The following BCL2L13 variants were observed in gnomAD, a reference collection of about 807,000 sequenced individuals.
BCL2L13 encodes bcl-2-like protein 13.
BCL2L13 carries 13 observed loss-of-function variants against 25.8 expected under a neutral mutation model. The observed-to-expected ratio is 0.50, with a 90% CI of 0.33 to 0.80. BCL2L13 has a LOEUF of 0.80. Ranked by LOEUF, BCL2L13 falls within the 30% of genes least tolerant of loss-of-function variation. The probability of loss-of-function intolerance (pLI) is 0.02; values close to 1 mark genes in which losing one functional copy is unlikely to be tolerated. For synonymous variants in BCL2L13, 244 were observed against 230.3 expected (o/e 1.06, Z -0.54); for missense variants, 504 against 574.9 (o/e 0.88, Z 1.26).
intron 2 of BCL2L13, among the ~76,000 whole-genome samples, chr22:17,673,003 G>C (rs1328198093): frequency 6.6e-6 from 1 of 152,070 alleles, no homozygotes; most frequent in Non-Finnish European, 1.5e-5. Flanking sequence ...GTATGTCCTG[G>C]GAGTCAATAA....
At chr22:17,704,141 C>T (rs2145720979) in intron 6 of BCL2L13, among the ~76,000 whole-genome samples, 1 of 152,236 alleles carries the variant, frequency 6.6e-6, no homozygotes, top group African/African-American at 2.4e-5. Flanking sequence ...GGCTTGAGTG[C>T]AGTGCGCAAT....
chr22:17,693,372 G>GTTTGTTTTT (rs1284865411), intron 4 of BCL2L13, among the ~76,000 whole-genome samples: 5 of 70,612 alleles, frequency 7.1e-5, no homozygotes, highest in African/African-American at 2.6e-4. Flanking sequence ...TTTAGTGTTT[G>GTTTGTTTTT]TTTTTTTTTT....
rs541204421 is a variant in BCL2L13, at chr22:17,726,053, A to G, written c.601-624A>G. On this transcript the variant is annotated intron_variant, in intron 6 of 6. Coordinates refer to ENST00000317582, the MANE Select transcript of BCL2L13 (RefSeq NM_015367.4). Reference sequence around the variant, plus strand: ...TTGTGATGTCATTTCAGCACTCAAAAAGTTTCGGATTTTGGGCCGGGCACA... The same window carrying G: ...TTGTGATGTCATTTCAGCACTCAAAGAGTTTCGGATTTTGGGCCGGGCACA... Among the ~76,000 whole-genome samples, 9 of 152,266 alleles carry G rather than the reference A, an allele frequency of 5.9e-5. No homozygotes were observed. In the East Asian group the frequency reaches 1.7e-3, roughly 29 times the overall value.
intron 2 of BCL2L13, among the ~76,000 whole-genome samples, chr22:17,680,502 ACT>A (rs1344103051): frequency 2.5e-5 from 3 of 117,788 alleles, no homozygotes; most frequent in African/African-American, 3.4e-5. Flanking sequence ...AGAGAGCGAG[ACT>A]CTGTCTCAAA....
chr22:17,646,232 A>G lies in BCL2L13; in HGVS notation c.-51+7346A>G, dbSNP rs539667499. Reference sequence around the variant, plus strand: ...TATGTTTAATAGTTTGAATCGTACAAATTATAGCAGGTTTTTTGTTTGTTT... The same window carrying G: ...TATGTTTAATAGTTTGAATCGTACAGATTATAGCAGGTTTTTTGTTTGTTT... On this transcript the variant is annotated intron_variant, in intron 1 of 6. Transcript: ENST00000317582. 4.6e-5 allele frequency among the ~76,000 whole-genome samples: 7 copies of G among 151,572 alleles called. No homozygotes were observed. In the South Asian group the frequency reaches 8.3e-4, roughly 18 times the overall value.
At chr22:17,694,236 G>A (rs984240936) in intron 4 of BCL2L13, among the ~76,000 whole-genome samples, 7 of 152,118 alleles carry the variant, frequency 4.6e-5, no homozygotes, top group East Asian at 1.9e-4. Context: ...GCATGAAACC[G>A]TGCTTTAAAT....
chr22:17,727,712 C>A lies in BCL2L13; in HGVS notation c.*178C>A. 1 of 793,038 alleles carries A rather than the reference C, an allele frequency of 1.3e-6. No individual in the cohort carries two copies. The highest frequency in any genetic ancestry group is 2.0e-6 in the Non-Finnish European group (1 of 512,042). 49.1% of individuals were successfully genotyped at this position (793,038 alleles called of 1,614,324 possible). ...GGGCTTGAGGTGGGGCATTCACATTCATCTGACTGTAAATCCCAAGGGCCT... is the reference window on the plus strand; with the variant it reads ...GGGCTTGAGGTGGGGCATTCACATTAATCTGACTGTAAATCCCAAGGGCCT... On this transcript the variant is annotated 3_prime_UTR_variant, in exon 7 of 7. Coordinates refer to ENST00000317582, the MANE Select transcript of BCL2L13 (RefSeq NM_015367.4).
intron 2 of BCL2L13, among the ~76,000 whole-genome samples, chr22:17,673,170 A>T (rs974778853): frequency 6.6e-6 from 1 of 152,238 alleles, no homozygotes; most frequent in East Asian, 1.9e-4. Flanking sequence ...AAGTTCTATG[A>T]TTCAGTCACT....
chr22:17,669,412 A>G (rs5992784), intron 2 of BCL2L13, among the ~76,000 whole-genome samples: 14,139 of 152,204 alleles, frequency 0.093, 773 homozygotes, highest in Non-Finnish European at 0.11. Flanking sequence ...GCTTCCACTC[A>G]TGGTGAAAAG....
intron 2 of BCL2L13, among the ~76,000 whole-genome samples, chr22:17,660,481 A>G (rs2146540638): frequency 6.8e-6 from 1 of 146,206 alleles, no homozygotes; most frequent in East Asian, 1.9e-4. Context: ...GTGTAGTGAT[A>G]TGATCTTGGC....
Position 17,648,435 on chromosome 22 carries a change from C to T in BCL2L13, c.-50-7227C>T, listed in dbSNP as rs145097322. 1.4e-4 allele frequency among the ~76,000 whole-genome samples: 21 copies of T among 152,072 alleles called. No individual in the cohort carries two copies. The East Asian group carries it at 2.5e-3, about 18-fold the overall frequency. Reference sequence around the variant, plus strand: ...AGTTGGGGCCAGATATGGTGGCTCACGCTTGTAATCCCAGCAATTTGGGAC... The same window carrying T: ...AGTTGGGGCCAGATATGGTGGCTCATGCTTGTAATCCCAGCAATTTGGGAC... On this transcript the variant is annotated intron_variant, in intron 1 of 6. Transcript: ENST00000317582.
chr22:17,717,348 G>T (rs2060972849), intron 6 of BCL2L13, among the ~76,000 whole-genome samples: 1 of 121,164 alleles, frequency 8.3e-6, no homozygotes, highest in Admixed American at 7.6e-5. Context: ...GTGGTGGCAG[G>T]CAGCCTGGGG....
chr22:17,668,018 CTT>C (rs199755262), intron 2 of BCL2L13, among the ~76,000 whole-genome samples: 2 of 45,936 alleles, frequency 4.4e-5, no homozygotes, highest in Non-Finnish European at 5.3e-5. Flanking sequence ...GTTGCCTATT[CTT>C]TTTTTTTTTT....
intron 1 of BCL2L13, among the ~76,000 whole-genome samples, chr22:17,652,756 CAT>C (rs768594148): frequency 1.3e-5 from 2 of 151,988 alleles, no homozygotes; most frequent in Non-Finnish European, 1.5e-5. Context: ...TCTTGAATAC[CAT>C]ATTGAAAGTG....
At chr22:17,684,621 T>C (rs749816936) in intron 3 of BCL2L13, 8 of 453,876 alleles carry the variant, frequency 1.8e-5, no homozygotes, top group South Asian at 9.3e-5. Flanking sequence ...TGGAGTGCAG[T>C]GGCACCATCT....
At chr22:17,654,425 T>TC (rs964541350) in intron 1 of BCL2L13, among the ~76,000 whole-genome samples, 24 of 149,620 alleles carry the variant, frequency 1.6e-4, no homozygotes, top group African/African-American at 5.9e-4. Context: ...TCTTTTTTTT[T>TC]CTTCTGTTTT....
At chr22:17,638,173 T>C (rs1441338598), upstream of BCL2L13, 1 of 152,684 alleles carries the variant, frequency 6.5e-6, no homozygotes, top group Non-Finnish European at 1.5e-5. Context: ...AAGTTAAGTA[T>C]GTTCCAGGCG....
At chr22:17,722,376 G>GATGCGT (rs879395575) in intron 6 of BCL2L13, among the ~76,000 whole-genome samples, 1 of 67,896 alleles carries the variant, frequency 1.5e-5, no homozygotes, top group Non-Finnish European at 3.8e-5. Context: ...TGAGACTACA[G>GATGCGT]GGGTGTGTGT....
Position 17,702,157 on chromosome 22 carries a change from A to G in BCL2L13, c.457-86A>G, listed in dbSNP as rs538810228. ...ATAAAAATACCTTAATGATGCATTT[A>G]AATATAATTTTCTAGTAGTTGAACA... On this transcript the variant is annotated intron_variant, in intron 5 of 6. Coordinates refer to ENST00000317582, the MANE Select transcript of BCL2L13 (RefSeq NM_015367.4). 9.6e-6 allele frequency: 10 copies of G among 1,046,578 alleles called. No individual in the cohort carries two copies. The African/African-American group carries it at 1.5e-4, about 15-fold the overall frequency. The allele number at this position is 1,046,578 out of a possible 1,614,324, so 64.8% of individuals were successfully genotyped here.
Sources: allele counts gnomAD v4.1 joint callset (sites outside exome capture counted in the v4.1 genomes callset), GRCh38; gene constraint gnomAD v4.1.1; transcripts MANE v1.5; gene names NCBI Gene and HGNC (gene_info 2026-07-23, HGNC 2026-07-21).